Variants in GALNT13 observed in about 807,000 individuals in gnomAD.
The protein encoded by GALNT13 is polypeptide N-acetylgalactosaminyltransferase 13.
A neutral mutation model predicts 64.2 loss-of-function variants in GALNT13; 28 were observed. That is an observed-to-expected ratio of 0.44 (90% CI 0.32 to 0.60). The LOEUF is 0.60. Ranked by LOEUF, GALNT13 falls within the 20% of genes least tolerant of loss-of-function variation. The pLI, the probability that GALNT13 is intolerant of heterozygous loss-of-function variation, is 0.05. For synonymous variants in GALNT13, 214 were observed against 224.6 expected (o/e 0.95, Z 0.42); for missense variants, 577 against 669.8 (o/e 0.86, Z 1.53).
intron 10 of GALNT13, among the ~76,000 whole-genome samples, chr2:154,398,734 A>G (rs1699167128): frequency 6.6e-6 from 1 of 152,200 alleles, no homozygotes. Context: ...CAACAGAATA[A>G]AGATAATAAT....
the GALNT13 span, among the ~76,000 whole-genome samples, chr2:153,644,844 T>C: frequency 6.6e-6 from 1 of 152,126 alleles, no homozygotes; most frequent in East Asian, 1.9e-4. Flanking sequence ...ATTAAGATTC[T>C]CTTCTTTGGC....
At chr2:153,274,889 T>G in the GALNT13 span, among the ~76,000 whole-genome samples, 1 of 152,224 alleles carries the variant, frequency 6.6e-6, no homozygotes, top group Non-Finnish European at 1.5e-5. Context: ...CTCACAAATG[T>G]GGCCTACCTT....
chr2:153,290,348 G>T, the GALNT13 span, among the ~76,000 whole-genome samples: 7 of 152,244 alleles, frequency 4.6e-5, no homozygotes, highest in African/African-American at 1.7e-4. Context: ...AAGCATTATT[G>T]AAAATTAAAG....
At chr2:154,392,689 AT>A (rs142322961) in intron 9 of GALNT13, among the ~76,000 whole-genome samples, 1,759 of 152,336 alleles carry the variant, frequency 0.012, 15 homozygotes, top group Non-Finnish European at 0.019. Flanking sequence ...GACAGATTCA[AT>A]TATTCTTAGT....
chr2:153,393,267 A>ATT, the GALNT13 span, among the ~76,000 whole-genome samples: 488 of 146,076 alleles, frequency 3.3e-3, 4 homozygotes, highest in Non-Finnish European at 5.2e-3. Context: ...AGAAGTCTCC[A>ATT]TTTTTTTTTT....
intron 3 of GALNT13, among the ~76,000 whole-genome samples, chr2:154,128,308 A>G (rs1404955712): frequency 1.3e-5 from 2 of 152,096 alleles, no homozygotes; most frequent in African/African-American, 2.4e-5. Flanking sequence ...GAATATTTAA[A>G]TACTTGAAAA....
intron 1 of GALNT13, among the ~76,000 whole-genome samples, chr2:153,899,165 C>T (rs752498605): frequency 5.3e-5 from 8 of 152,070 alleles, no homozygotes; most frequent in Non-Finnish European, 1.0e-4. Flanking sequence ...TTTCATGCCC[C>T]CAGTTTTCAA....
intron 4 of GALNT13, among the ~76,000 whole-genome samples, chr2:154,225,137 T>TAC: frequency 7.7e-6 from 1 of 130,342 alleles, no homozygotes; most frequent in Non-Finnish European, 1.7e-5. Flanking sequence ...GATAGATAGA[T>TAC]AGATAGATGA....
chr2:153,405,105 C>T, the GALNT13 span, among the ~76,000 whole-genome samples: 2 of 152,038 alleles, frequency 1.3e-5, no homozygotes, highest in Non-Finnish European at 2.9e-5. Context: ...GTAAGTTTCT[C>T]CAGAAGTAAA....
At chr2:153,861,601 T>C in the GALNT13 span, among the ~76,000 whole-genome samples, 1 of 144,880 alleles carries the variant, frequency 6.9e-6, no homozygotes, top group African/African-American at 2.6e-5. Context: ...AGTTTCGCTG[T>C]TGTCGCCCAG....
In GALNT13 at chr2:154,042,424, A is replaced by C. The variant is rs1017211870; in HGVS notation, c.142+97785A>C. On this transcript the variant is annotated intron_variant, in intron 3 of 12. Coordinates refer to ENST00000392825, the MANE Select transcript of GALNT13 (RefSeq NM_052917.4). ...GGGGAAAAAAAACTAGCAGACTTTT[A>C]CTACAAGGTAATATGTTATGACATT... Among the ~76,000 whole-genome samples the C allele has an allele frequency of 5.7e-5, 8 of 139,816 alleles. 3 individuals carry two copies. Among genetic ancestry groups the C allele is most frequent in the Non-Finnish European group, 1.3e-4 (8 of 60,982 alleles). 91.7% of individuals were successfully genotyped at this position (139,816 alleles called of 152,430 possible).
the GALNT13 span, among the ~76,000 whole-genome samples, chr2:153,405,174 T>G: frequency 6.6e-6 from 1 of 152,214 alleles, no homozygotes; most frequent in East Asian, 1.9e-4. Flanking sequence ...ATACATTTGC[T>G]GGATGAGAGT....
chr2:153,411,181 T>TA, the GALNT13 span, among the ~76,000 whole-genome samples: 794 of 91,352 alleles, frequency 8.7e-3, 11 homozygotes, highest in East Asian at 0.19. Flanking sequence ...ATATATATAT[T>TA]TTTTTTTTTT....
intron 9 of GALNT13, among the ~76,000 whole-genome samples, chr2:154,333,312 T>C (rs536706398): frequency 2.0e-5 from 3 of 152,156 alleles, no homozygotes; most frequent in African/African-American, 7.2e-5. Flanking sequence ...ATAAATGTTT[T>C]TCTAAGTAGA....
At chr2:154,023,397 A>G (rs1390470295) in intron 3 of GALNT13, among the ~76,000 whole-genome samples, 5 of 152,190 alleles carry the variant, frequency 3.3e-5, no homozygotes, top group Non-Finnish European at 7.4e-5. Context: ...ATATGTATAT[A>G]TTTAGGATAG....
At chr2:153,097,212 T>G in the GALNT13 span, among the ~76,000 whole-genome samples, 2 of 152,176 alleles carry the variant, frequency 1.3e-5, no homozygotes, top group Non-Finnish European at 2.9e-5. Flanking sequence ...TATATTTTAT[T>G]GTACTGAATG....
intron 9 of GALNT13, among the ~76,000 whole-genome samples, chr2:154,325,138 T>TAA (rs879320817): frequency 1.5e-4 from 22 of 142,942 alleles, no homozygotes; most frequent in African/African-American, 5.6e-4. Flanking sequence ...AGTGAGAAAG[T>TAA]AAAAAAAAAA....
chr2:154,400,056 C>G (rs1334513224), intron 10 of GALNT13, among the ~76,000 whole-genome samples: 3 of 152,254 alleles, frequency 2.0e-5, no homozygotes, highest in African/African-American at 7.2e-5. Flanking sequence ...ATTCACCAAG[C>G]ACTACCTCCC....
chr2:153,687,362 A>G, the GALNT13 span, among the ~76,000 whole-genome samples: 175 of 151,948 alleles, frequency 1.2e-3, no homozygotes, highest in African/African-American at 4.1e-3. Flanking sequence ...TTCCTGGTTC[A>G]GTCTAGGGAG....
Sources: allele counts gnomAD v4.1 joint callset (sites outside exome capture counted in the v4.1 genomes callset), GRCh38; gene constraint gnomAD v4.1.1; transcripts MANE v1.5; gene names NCBI Gene and HGNC (gene_info 2026-07-23, HGNC 2026-07-21).